Variants in POLR1B observed in about 807,000 individuals in gnomAD.
POLR1B encodes DNA-directed RNA polymerase I subunit RPA2.
A neutral mutation model predicts 105.8 loss-of-function variants in POLR1B; 30 were observed. The observed-to-expected ratio is 0.28, with a 90% confidence interval of 0.21 to 0.38. The LOEUF (loss-of-function observed/expected upper bound fraction) is 0.38. Among genes scored for constraint, POLR1B ranks in the 10% least tolerant of loss-of-function variants. The pLI is 1.00. For missense variants in POLR1B, 976 were observed against 1,435.8 expected (o/e 0.68, Z 5.17); for synonymous variants, 485 against 505.1 (o/e 0.96, Z 0.53).
rs1409757913 is a variant in POLR1B at position 112,575,998 on chromosome 2, T to A, written c.*269T>A. 2 of 417,928 alleles carry A rather than the reference T, an allele frequency of 4.8e-6. No homozygotes were observed. Among genetic ancestry groups the A allele is most frequent in the Non-Finnish European group, 8.7e-6 (2 of 229,144 alleles). The allele number at this position is 417,928 out of a possible 1,614,324, so 25.9% of individuals were successfully genotyped here. A position where few individuals can be genotyped will look rare whatever the true frequency, so the allele number is the denominator to read the frequency against. ...AAATGGAAGAGCATACGGTGACAAG[T>A]CTCCTTTCCAACCCCAGGTTCCCTA... On this transcript the variant is annotated 3_prime_UTR_variant, in exon 15 of 15. Coordinates refer to ENST00000263331, the MANE Select transcript of POLR1B (RefSeq NM_019014.6). The surrounding 1 kb of genome is among the most constrained non-coding windows in gnomAD (Gnocchi z 5.3).
intron 10 of POLR1B, among the ~76,000 whole-genome samples, 168 bp downstream of exon 10, chr2:112,564,667 C>G (rs1015675222): frequency 6.6e-6 from 1 of 152,226 alleles, no homozygotes; most frequent in Non-Finnish European, 1.5e-5. Flanking sequence ...TTGCCTTATA[C>G]TGGCCTCATT....
At chr2:112,557,756 A>AT (rs1258983424) in intron 7 of POLR1B, among the ~76,000 whole-genome samples, 154 bp from the exon 8 acceptor site, 1 of 150,422 alleles carries the variant, frequency 6.6e-6, no homozygotes, top group African/African-American at 2.4e-5. Flanking sequence ...CCTCTGGCTA[A>AT]TTTTTTTGTA....
chr2:112,559,355 T>C lies in POLR1B; in HGVS notation c.1393T>C (p.Tyr465His), dbSNP rs1474129277. The C allele has an allele frequency of 1.2e-6, 2 of 1,614,232 alleles. No homozygotes were observed. Among genetic ancestry groups the C allele is most frequent in the Non-Finnish European group, 1.7e-6 (2 of 1,180,054 alleles). Residue 465 changes from tyrosine (Y) to histidine (H), a missense_variant, in exon 9 of 15, where the codon TAC (tyrosine) becomes CAC (histidine). Physicochemically the swap from Tyr to His is moderately conservative, Grantham distance 83 (BLOSUM62 2). Transcript: ENST00000263331. ...GGCTGACAAGCTGAACTTCATACGCTACCTCTCCCATTTCCGCTGCGTGCA... is the reference window on the plus strand; with the variant it reads ...GGCTGACAAGCTGAACTTCATACGCCACCTCTCCCATTTCCGCTGCGTGCA... ...VVADKLNFIR[Y>H]LSHFRCVHRG...
rs1558666538 is a variant in POLR1B, at chr2:112,573,554, C to CT, written c.2272-6dup. On this transcript the variant is annotated splice_region_variant and splice_polypyrimidine_tract_variant and intron_variant, in intron 13 of 14. Coordinates refer to ENST00000263331, the MANE Select transcript of POLR1B (RefSeq NM_019014.6). The stretch of plus-strand genomic sequence containing the variant: ...CCTCAGTCTTTTAACGATTCTTTTA[C>CT]TTCACAGATTGTGAATAAGGCCTCT... 1 of 1,606,968 alleles carries CT rather than the reference C, an allele frequency of 6.2e-7. No individual in the cohort carries two copies. Among genetic ancestry groups the CT allele is most frequent in the Non-Finnish European group, 8.5e-7 (1 of 1,176,538 alleles).
At chr2:112,567,510 G>T (rs1684349908) in intron 10 of POLR1B, among the ~76,000 whole-genome samples, 1 of 151,912 alleles carries the variant, frequency 6.6e-6, no homozygotes, top group South Asian at 2.1e-4. Flanking sequence ...CTCCCGATTA[G>T]CTGGGACTAC....
At chr2:112,572,453 T>C in intron 12 of POLR1B, 109 bp from the exon 13 acceptor site, 1 of 766,220 alleles carries the variant, frequency 1.3e-6, no homozygotes, top group Non-Finnish European at 2.0e-6. Context: ...TGACTATTTA[T>C]TTGTTCATTT....
At chr2:112,562,211 G>T (rs989393545) in intron 9 of POLR1B, among the ~76,000 whole-genome samples, 2 of 152,138 alleles carry the variant, frequency 1.3e-5, no homozygotes, top group Admixed American at 1.3e-4. Context: ...TATTAATTTT[G>T]TGGTTACAGA....
Position 112,568,850 on chromosome 2 carries a change from C to T in POLR1B, c.2022C>T (p.Ile674=). The change falls in exon 12 of 15, where the codon ATC becomes ATT. Residue 674 remains isoleucine (I), a synonymous_variant. Transcript: ENST00000263331. ...HSLLSVIANF[I]PFSDHNQSPR... ...TGCTGAGTGTGATTGCCAACTTCATCCCTTTCTCTGATCACAACCAGAGTC... is the reference window on the plus strand; with the variant it reads ...TGCTGAGTGTGATTGCCAACTTCATTCCTTTCTCTGATCACAACCAGAGTC... The T allele has an allele frequency of 1.9e-6, 3 of 1,614,138 alleles. No individual in the cohort carries two copies. Among genetic ancestry groups the T allele is most frequent in the Non-Finnish European group, 2.5e-6 (3 of 1,180,010 alleles).
chr2:112,567,571 G>T lies in POLR1B; in HGVS notation c.1747-396G>T, dbSNP rs1024459737. On this transcript the variant is annotated intron_variant, in intron 10 of 14. Transcript: ENST00000263331. ...ATTTTTTAATTTTTGTAGAGACGGG[G>T]TTTCATCATGTTGCCCAGGCTGGTC... Among the ~76,000 whole-genome samples the T allele has an allele frequency of 4.6e-5, 7 of 151,910 alleles. No homozygotes were observed. The South Asian group carries it at 1.5e-3, about 32-fold the overall frequency.
chr2:112,557,243 A>G (rs1270648056), intron 7 of POLR1B, among the ~76,000 whole-genome samples: 2 of 152,230 alleles, frequency 1.3e-5, no homozygotes, highest in East Asian at 3.8e-4. Flanking sequence ...AAAATATACA[A>G]CAAATATAGT....
At chr2:112,550,779 A>G in intron 4 of POLR1B, 87 bp from the exon 5 acceptor site, 2 of 1,390,580 alleles carry the variant, frequency 1.4e-6, no homozygotes, top group Non-Finnish European at 2.0e-6. Context: ...AATTGTGTCT[A>G]AGAGGTTAAG....
At chr2:112,560,423 G>A (rs1683917504) in intron 9 of POLR1B, among the ~76,000 whole-genome samples, 1 of 152,028 alleles carries the variant, frequency 6.6e-6, no homozygotes, top group South Asian at 2.1e-4. Flanking sequence ...AGTTTAAAAG[G>A]AGGTTTCCCA....
In POLR1B at chr2:112,575,006, A is replaced by G; in HGVS notation, c.2685A>G (p.Arg895=). 6.2e-7 allele frequency: 1 copy of G among 1,614,200 alleles called. No homozygotes were observed. The part of the protein sequence containing the change: ...SRHGQKGILS[R]LWPAEDMPFT... ...ATGGGCAGAAGGGCATTTTAAGCAG[A>G]TTGTGGCCGGCTGAGGACATGCCTT... Residue 895 remains arginine, a synonymous_variant, in exon 15 of 15, where the codon AGA becomes AGG. Transcript: ENST00000263331. This position sits in a 1 kb window ranked among gnomAD's most constrained non-coding sequence, Gnocchi z 5.3.
At chr2:112,559,262 C>T in intron 8 of POLR1B, 31 bp from the exon 9 acceptor site, 2 of 1,606,324 alleles carry the variant, frequency 1.2e-6, no homozygotes, top group Non-Finnish European at 1.7e-6. Flanking sequence ...AAAAGATTGG[C>T]CCATTTTTGA....
chr2:112,545,462 C>T (rs534254725), intron 1 of POLR1B, among the ~76,000 whole-genome samples: 8 of 152,266 alleles, frequency 5.3e-5, no homozygotes, highest in Non-Finnish European at 1.0e-4. Flanking sequence ...CAGAGGCTCG[C>T]AGGAAGCTAA....
At chr2:112,574,684 C>T (rs371543207) in intron 14 of POLR1B, among the ~76,000 whole-genome samples, 163 bp from the exon 15 acceptor site, 38 of 149,484 alleles carry the variant, frequency 2.5e-4, no homozygotes, top group African/African-American at 7.2e-4. Context: ...ATTGCACCAC[C>T]GCACTCCAGC....
intron 7 of POLR1B, among the ~76,000 whole-genome samples, chr2:112,556,658 G>A (rs1345196480): frequency 6.6e-6 from 1 of 152,108 alleles, no homozygotes; most frequent in Non-Finnish European, 1.5e-5. Context: ...GGGGCCTGCT[G>A]GAAAAGGTAT....
chr2:112,557,995 A>G lies in POLR1B; in HGVS notation c.1244A>G (p.Asn415Ser), dbSNP rs763716337. The G allele has an allele frequency of 8.4e-6, 12 of 1,427,352 alleles. No individual in the cohort carries two copies. Among genetic ancestry groups the G allele is most frequent in the African/African-American group, 1.5e-5 (1 of 68,906 alleles). The allele number at this position is 1,427,352 out of a possible 1,614,324, so 88.4% of individuals were successfully genotyped here. ...QKTSVSMNTD[N>S]LMRIFTMGID... ...ACCAGTGTTTCCATGAACACTGACAATTTGATGAGGATTTTTACAATGGGC... is the reference window on the plus strand; with the variant it reads ...ACCAGTGTTTCCATGAACACTGACAGTTTGATGAGGATTTTTACAATGGGC... Residue 415 changes from asparagine to serine, a missense_variant, in exon 8 of 15, where the codon AAT (asparagine) becomes AGT (serine). By Grantham distance (46) the Asn-to-Ser change is conservative. This residue lies in a region of POLR1B where 452 missense variants were observed against 616.5 expected (regional missense o/e 0.73). Transcript: ENST00000263331.
Position 112,546,935 on chromosome 2 carries a change from A to G in POLR1B, c.178-77A>G, listed in dbSNP as rs1683089237. ...TCACAGGCATCAATGTTTGTAGAAC[A>G]CATAAGATTTGGAAGAGTCTTAGAG... On this transcript the variant is annotated intron_variant, in intron 1 of 14. Transcript: ENST00000263331. 3 of 1,457,726 alleles carry G rather than the reference A, an allele frequency of 2.1e-6. No individual in the cohort carries two copies. The East Asian group carries it at 6.8e-5, about 33-fold the overall frequency. The allele number at this position is 1,457,726 out of a possible 1,614,324, so 90.3% of individuals were successfully genotyped here.
Sources: allele counts gnomAD v4.1 joint callset (sites outside exome capture counted in the v4.1 genomes callset), GRCh38; gene constraint gnomAD v4.1.1; regional missense constraint gnomAD v4.1.1; non-coding constraint Gnocchi (gnomAD v3.1); transcripts MANE v1.5; gene names NCBI Gene and HGNC (gene_info 2026-07-23, HGNC 2026-07-21).